The following PMS1 variants were observed in gnomAD, a reference collection of about 807,000 sequenced individuals.
The protein encoded by PMS1 is PMS1 homolog 1, mismatch repair system component, also known as PMS1 protein homolog 1.
Under a neutral mutation model 93.1 loss-of-function variants are expected in PMS1, and 79 were observed. That is an observed-to-expected ratio of 0.85 (90% CI 0.71 to 1.02). PMS1 has a LOEUF of 1.02. PMS1 is among the 50% of genes least tolerant of loss of function. The probability of loss-of-function intolerance (pLI) is 0.00; values close to 1 mark genes in which losing one functional copy is unlikely to be tolerated. For synonymous variants in PMS1, 335 were observed against 363.4 expected (o/e 0.92, Z 0.89); for missense variants, 1,064 against 1,085.3 (o/e 0.98, Z 0.28).
chr2:189,827,286 C>T (rs1236154402), intron 5 of PMS1, among the ~76,000 whole-genome samples: 1 of 152,206 alleles, frequency 6.6e-6, no homozygotes, highest in East Asian at 1.9e-4. Flanking sequence ...CTGTAGATTT[C>T]TCTTCCAAAC....
chr2:189,797,942 T>C (rs1464942363), intron 3 of PMS1, among the ~76,000 whole-genome samples: 1 of 152,232 alleles, frequency 6.6e-6, no homozygotes, highest in African/African-American at 2.4e-5. Context: ...ATTAAACCTT[T>C]GTAAGTTGAA....
rs587778612 is a variant in PMS1 at position 189,854,708 on chromosome 2, G to C, written c.1436G>C (p.Gly479Ala). The change falls in exon 9 of 13, where the codon GGG (glycine) becomes GCG (alanine). Residue 479 changes from glycine to alanine, a missense_variant. Coordinates refer to ENST00000441310, the MANE Select transcript of PMS1 (RefSeq NM_000534.5). Reference sequence around the variant, plus strand: ...AATAAAGACCATATAGATGAGAGTGGGGAAAATGAGGAAGAAGCAGGTCTT... The same window carrying C: ...AATAAAGACCATATAGATGAGAGTGCGGAAAATGAGGAAGAAGCAGGTCTT... ...NGNKDHIDESGENEEEAGLEN... is the reference protein window; with the variant it reads ...NGNKDHIDESAENEEEAGLEN... 1.9e-6 allele frequency: 3 copies of C among 1,613,748 alleles called. No individual in the cohort carries two copies. In the African/African-American group the frequency reaches 4.0e-5, roughly 22 times the overall value.
chr2:189,836,442 C>T (rs983104308), intron 5 of PMS1, among the ~76,000 whole-genome samples: 3 of 152,134 alleles, frequency 2.0e-5, no homozygotes, highest in African/African-American at 2.4e-5. Context: ...GTTAAGCTTT[C>T]GGCCTAAGGG....
At chr2:189,827,036 T>C (rs983842846) in intron 5 of PMS1, among the ~76,000 whole-genome samples, 3 of 152,192 alleles carry the variant, frequency 2.0e-5, no homozygotes, top group Admixed American at 6.5e-5. Flanking sequence ...TTGCCCTTCC[T>C]GGAAGCTAAG....
At chr2:189,785,836 ACAAGTTGGCTGGG>A (rs1174738513) in intron 1 of PMS1, among the ~76,000 whole-genome samples, 4 of 152,152 alleles carry the variant, frequency 2.6e-5, no homozygotes, top group Non-Finnish European at 5.9e-5. Flanking sequence ...GTTAAGAGAG[ACAAGTTGGCTGGG>A]CACGGTGGCT....
At chr2:189,834,067 A>G (rs1411759879) in intron 5 of PMS1, among the ~76,000 whole-genome samples, 1 of 152,104 alleles carries the variant, frequency 6.6e-6, no homozygotes, top group Admixed American at 6.5e-5. Flanking sequence ...CCTACCTTAC[A>G]GAGTAAGGTT....
intron 4 of PMS1, among the ~76,000 whole-genome samples, chr2:189,814,595 TA>T (rs2051117178): frequency 6.6e-6 from 1 of 152,232 alleles, no homozygotes; most frequent in South Asian, 2.1e-4. Flanking sequence ...ACTTTTTTGT[TA>T]AATGCCTACA....
At chr2:189,811,326 A>G (rs1032808670) in intron 4 of PMS1, among the ~76,000 whole-genome samples, 3 of 151,212 alleles carry the variant, frequency 2.0e-5, no homozygotes, top group Non-Finnish European at 2.9e-5. Flanking sequence ...GGTGGCTCAC[A>G]CCTGTAATCC....
intron 5 of PMS1, among the ~76,000 whole-genome samples, chr2:189,837,261 G>A (rs1376546463): frequency 6.6e-6 from 1 of 151,656 alleles, no homozygotes; most frequent in Non-Finnish European, 1.5e-5. Flanking sequence ...GAGTAGCTGG[G>A]ACTACAGGCA....
In PMS1 at chr2:189,784,492, C is replaced by G. The variant is rs2048063936; in HGVS notation, c.-122C>G. On this transcript the variant is annotated 5_prime_UTR_variant, in exon 1 of 13. Transcript: ENST00000441310. ...ACCCGCTCTGCCGCGCGCGTGCGTG[C>G]TGGGTGCGGGTGCGGGTGCGGGGTT... 1.3e-5 allele frequency: 2 copies of G among 152,590 alleles called. No individual in the cohort carries two copies. Among genetic ancestry groups the G allele is most frequent in the African/African-American group, 4.8e-5 (2 of 41,472 alleles). The allele number at this position is 152,590 out of a possible 1,614,324, so 9.5% of individuals were successfully genotyped here.
At chr2:189,818,285 C>A in intron 5 of PMS1, 105 bp downstream of exon 5, 1 of 764,940 alleles carries the variant, frequency 1.3e-6, no homozygotes, top group South Asian at 1.6e-5. Context: ...GTTTGTGTGC[C>A]CTCACAAAAT....
At position 189,805,736 on chromosome 2, in the gene PMS1, C is replaced by A. The variant is rs746592348; in HGVS notation, c.400C>A (p.Pro134Thr). ...CAGTGGCCACATACTTTCTCAGAAA[C>A]CTTCACATCTTGGTCAAGGTAAGAA... is the stretch of plus-strand genomic sequence containing the variant. Reference protein sequence around the residue: ...DGSGHILSQKPSHLGQGTTVT... With the variant: ...DGSGHILSQKTSHLGQGTTVT... Residue 134 changes from proline to threonine, a missense_variant, in exon 4 of 13, where the codon CCT becomes ACT. Transcript: ENST00000441310. 15 of 1,613,780 alleles carry A rather than the reference C, an allele frequency of 9.3e-6. No individual in the cohort carries two copies. The highest frequency in any genetic ancestry group is 1.3e-5 in the Non-Finnish European group (15 of 1,179,876).
chr2:189,877,405 A>G lies in PMS1; in HGVS notation c.2768A>G (p.His923Arg). The G allele has an allele frequency of 6.2e-7, 1 of 1,612,836 alleles. No homozygotes were observed. The highest frequency in any genetic ancestry group is 8.5e-7 in the Non-Finnish European group (1 of 1,178,874). ...KECVHGRPFF[H>R]HLTYLPETT ...TGTGTTCATGGTCGCCCATTTTTTC[A>G]TCATTTAACCTATCTTCCAGAAACT... Residue 923 changes from histidine (H) to arginine (R), a missense_variant, in exon 13 of 13, where the codon CAT (histidine) becomes CGT (arginine). Coordinates refer to ENST00000441310, the MANE Select transcript of PMS1 (RefSeq NM_000534.5).
rs1010657579 is a variant in PMS1 at position 189,840,037 on chromosome 2, A to G, written c.583-3927A>G. ...ACACCATAATTTTGTTTAGAAATGCAATATACACATTGAACCTATACCTTA... is the reference window on the plus strand; with the variant it reads ...ACACCATAATTTTGTTTAGAAATGCGATATACACATTGAACCTATACCTTA... On this transcript the variant is annotated intron_variant, in intron 5 of 12. Coordinates refer to ENST00000441310, the MANE Select transcript of PMS1 (RefSeq NM_000534.5). 5.3e-5 allele frequency among the ~76,000 whole-genome samples: 8 copies of G among 152,204 alleles called. 1 individual carries two copies. Among genetic ancestry groups the G allele is most frequent in the Admixed American group, 4.6e-4 (7 of 15,276 alleles).
chr2:189,875,799 A>G (rs2057509772), intron 12 of PMS1, among the ~76,000 whole-genome samples: 1 of 151,778 alleles, frequency 6.6e-6, no homozygotes, highest in Non-Finnish European at 1.5e-5. Flanking sequence ...CCAAAAATAC[A>G]AAATTTAGCC....
intron 5 of PMS1, among the ~76,000 whole-genome samples, chr2:189,824,567 T>C (rs1383291646): frequency 6.6e-6 from 1 of 152,214 alleles, no homozygotes; most frequent in East Asian, 1.9e-4. Flanking sequence ...CGGAGGACAC[T>C]GTATCAGAAC....
At position 189,833,295 on chromosome 2, in the gene PMS1, G is replaced by T. The variant is rs1056659673; in HGVS notation, c.583-10669G>T. ...AGTTATTTAAATATAGTTAATATAA[G>T]AAGTAAATTTATGGCCGGGTGCAGT... On this transcript the variant is annotated intron_variant, in intron 5 of 12. Coordinates refer to ENST00000441310, the MANE Select transcript of PMS1 (RefSeq NM_000534.5). Among the ~76,000 whole-genome samples, 7 of 152,220 alleles carry T rather than the reference G, an allele frequency of 4.6e-5. No homozygotes were observed. The East Asian group carries it at 5.8e-4, about 13-fold the overall frequency.
chr2:189,825,386 T>C (rs185344644), intron 5 of PMS1, among the ~76,000 whole-genome samples: 1 of 152,308 alleles, frequency 6.6e-6, no homozygotes, highest in East Asian at 1.9e-4. Context: ...ACTGAATCCC[T>C]GTGAGGTCCT....
In PMS1 at chr2:189,867,051, G is replaced by C. The variant is rs80274666; in HGVS notation, c.2343-748G>C. Among the ~76,000 whole-genome samples the C allele has an allele frequency of 8.5e-4, 129 of 152,312 alleles. 1 individual carries two copies. Among genetic ancestry groups the C allele is most frequent in the Admixed American group, 5.5e-3 (84 of 15,300 alleles). On this transcript the variant is annotated intron_variant, in intron 10 of 12. Transcript: ENST00000441310. The stretch of plus-strand genomic sequence containing the variant: ...AGAGCTGATAAGCAAAGATATCAGC[G>C]TACTGGAACACAGAACAGTGCCTTG...
Sources: gnomAD v4.1 joint callset for allele counts (sites outside exome capture counted in the v4.1 genomes callset) on GRCh38, gnomAD v4.1.1 for gene constraint, MANE v1.5 for transcripts, NCBI Gene and HGNC (gene_info 2026-07-23, HGNC 2026-07-21) for gene names.